The following SMAP1 variants were observed in gnomAD, a reference collection of about 807,000 sequenced individuals.
SMAP1 encodes stromal membrane-associated protein 1.
A neutral mutation model predicts 58.5 loss-of-function variants in SMAP1; 24 were observed. The observed-to-expected ratio is 0.41, with a 90% CI of 0.30 to 0.58. The LOEUF (loss-of-function observed/expected upper bound fraction) is 0.58, where lower values mean the gene tolerates loss of function less well. SMAP1 is among the 20% of genes least tolerant of loss of function. The pLI, the probability that SMAP1 is intolerant of heterozygous loss-of-function variation, is 0.29. For synonymous variants in SMAP1, 216 were observed against 196.6 expected (o/e 1.10, Z -0.82); for missense variants, 563 against 566.3 (o/e 0.99, Z 0.06).
rs139442464 is a variant in SMAP1 at position 70,801,238 on chromosome 6, G to A, written c.576+2501G>A. Among the ~76,000 whole-genome samples, 1,512 of 152,234 alleles carry A rather than the reference G, an allele frequency of 9.9e-3. 15 individuals are homozygous for A. Among genetic ancestry groups the A allele is most frequent in the African/African-American group, 0.034 (1,404 of 41,528 alleles). ...ACCTGGCGTGAGATGGTATCTCATCGTGGTTTTGATTTGCATTTGTCTGAT... is the reference window on the plus strand; with the variant it reads ...ACCTGGCGTGAGATGGTATCTCATCATGGTTTTGATTTGCATTTGTCTGAT... On this transcript the variant is annotated intron_variant, in intron 6 of 10. Coordinates refer to ENST00000370455, the MANE Select transcript of SMAP1 (RefSeq NM_001044305.3).
intron 6 of SMAP1, among the ~76,000 whole-genome samples, chr6:70,808,633 T>A (rs1046158837): frequency 6.6e-6 from 1 of 152,200 alleles, no homozygotes; most frequent in African/African-American, 2.4e-5. Context: ...CTTTTGCCAA[T>A]ACATAGCTTT....
At chr6:70,813,684 A>C (rs1005133931) in intron 6 of SMAP1, among the ~76,000 whole-genome samples, 2 of 152,112 alleles carry the variant, frequency 1.3e-5, no homozygotes, top group Non-Finnish European at 2.9e-5. Flanking sequence ...AGATGTGTTA[A>C]TATATGCTTC....
At chr6:70,754,257 C>G (rs10738047) in intron 2 of SMAP1, among the ~76,000 whole-genome samples, 75,497 of 151,798 alleles carry the variant, frequency 0.5, 19,103 homozygotes, top group African/African-American at 0.52. Context: ...GTACTGTTTG[C>G]ATAGTCATTC....
intron 6 of SMAP1, among the ~76,000 whole-genome samples, chr6:70,805,047 G>A (rs907395512): frequency 6.6e-6 from 1 of 151,872 alleles, no homozygotes; most frequent in African/African-American, 2.4e-5. Context: ...ATGTTGGCCT[G>A]TCTTGCTAGG....
chr6:70,807,062 A>G (rs1769165343), intron 6 of SMAP1, among the ~76,000 whole-genome samples: 1 of 152,354 alleles, frequency 6.6e-6, no homozygotes, highest in South Asian at 2.1e-4. Context: ...CTTCCCTGTA[A>G]AAGAACTGTG....
At chr6:70,689,114 A>G (rs899133927) in intron 1 of SMAP1, among the ~76,000 whole-genome samples, 1 of 151,888 alleles carries the variant, frequency 6.6e-6, no homozygotes, top group African/African-American at 2.4e-5. Flanking sequence ...AGTGATTCTC[A>G]TGTCATGCCT....
intron 6 of SMAP1, among the ~76,000 whole-genome samples, chr6:70,813,221 T>G (rs1448457180): frequency 2.0e-5 from 3 of 151,970 alleles, no homozygotes; most frequent in Non-Finnish European, 4.4e-5. Flanking sequence ...GTGTAGGAGG[T>G]GGGGGTATGT....
chr6:70,834,059 A>G (rs1409899002), intron 6 of SMAP1, among the ~76,000 whole-genome samples: 3 of 152,198 alleles, frequency 2.0e-5, no homozygotes, highest in Non-Finnish European at 1.5e-5. Context: ...ATATTTTCCA[A>G]ATTGTTTGCA....
intron 1 of SMAP1, among the ~76,000 whole-genome samples, chr6:70,701,254 TG>T (rs1180118230): frequency 6.6e-6 from 1 of 152,090 alleles, no homozygotes; most frequent in Admixed American, 6.5e-5. Context: ...CTAATTTTTT[TG>T]TATTTTTGGT....
chr6:70,768,031 C>T (rs576643753), intron 3 of SMAP1, among the ~76,000 whole-genome samples: 41 of 151,582 alleles, frequency 2.7e-4, no homozygotes, highest in African/African-American at 9.2e-4. Context: ...GTCTTTGGTT[C>T]TGTTTATATG....
At chr6:70,844,296 A>G (rs1484132358) in intron 7 of SMAP1, among the ~76,000 whole-genome samples, 2 of 152,202 alleles carry the variant, frequency 1.3e-5, no homozygotes, top group East Asian at 3.8e-4. Flanking sequence ...CTTCTCAGCT[A>G]TTTCAGATAG....
At chr6:70,807,844 A>C (rs1769204181) in intron 6 of SMAP1, among the ~76,000 whole-genome samples, 1 of 152,084 alleles carries the variant, frequency 6.6e-6, no homozygotes, top group African/African-American at 2.4e-5. Context: ...TGCCGTTGAA[A>C]ATCCTCATAT....
chr6:70,710,961 C>A (rs1768034018), intron 1 of SMAP1, among the ~76,000 whole-genome samples: 1 of 152,094 alleles, frequency 6.6e-6, no homozygotes, highest in Non-Finnish European at 1.5e-5. Flanking sequence ...CCCTCTTTCA[C>A]CTTCACATCC....
At chr6:70,749,736 G>A (rs187647169) in intron 2 of SMAP1, among the ~76,000 whole-genome samples, 143 of 152,264 alleles carry the variant, frequency 9.4e-4, no homozygotes, top group African/African-American at 3.3e-3. Context: ...TGTTGTTCAG[G>A]TACTTCTTAG....
At chr6:70,799,633 T>C (rs1768761593) in intron 6 of SMAP1, among the ~76,000 whole-genome samples, 1 of 152,210 alleles carries the variant, frequency 6.6e-6, no homozygotes. Flanking sequence ...AGTACATCCA[T>C]TTAAAGTACA....
intron 2 of SMAP1, among the ~76,000 whole-genome samples, chr6:70,746,514 G>T (rs1242656192): frequency 6.6e-6 from 1 of 152,178 alleles, no homozygotes; most frequent in Non-Finnish European, 1.5e-5. Context: ...GCATCCCAGG[G>T]TTGAAGCTGA....
chr6:70,761,248 G>A (rs1249828405), intron 3 of SMAP1, among the ~76,000 whole-genome samples: 1 of 152,046 alleles, frequency 6.6e-6, no homozygotes, highest in East Asian at 1.9e-4. Context: ...TTTGGGGACA[G>A]GGAGAATTAG....
intron 1 of SMAP1, among the ~76,000 whole-genome samples, chr6:70,672,364 A>G (rs1766304410): frequency 1.3e-5 from 2 of 152,098 alleles, no homozygotes; most frequent in South Asian, 2.1e-4. Context: ...GAAGCTTTCT[A>G]ACAAGTTTTT....
At chr6:70,824,974 G>A (rs948765543) in intron 6 of SMAP1, among the ~76,000 whole-genome samples, 4 of 152,068 alleles carry the variant, frequency 2.6e-5, no homozygotes, top group African/African-American at 9.7e-5. Flanking sequence ...CAGAAATCAT[G>A]GTCTCTTGCG....
Sources: gnomAD v4.1 joint callset for allele counts (sites outside exome capture counted in the v4.1 genomes callset) on GRCh38, gnomAD v4.1.1 for gene constraint, MANE v1.5 for transcripts, NCBI Gene and HGNC (gene_info 2026-07-23, HGNC 2026-07-21) for gene names.